Variants in SIGLECL1 observed in about 807,000 individuals in gnomAD.
SIGLECL1 encodes the protein SIGLEC family like 1.
Under a neutral mutation model 19.1 loss-of-function variants are expected in SIGLECL1, and 16 were observed. That is an observed-to-expected ratio of 0.84 (90% CI 0.57 to 1.27). The LOEUF is 1.27. Among genes scored for constraint, SIGLECL1 ranks in the 50% most tolerant of loss-of-function variants. SIGLECL1 has a pLI of 0.00. For missense variants in SIGLECL1, 210 were observed against 239.4 expected, an observed-to-expected ratio of 0.88 and a Z score of 0.81; for synonymous variants, 89 against 90.4, an observed-to-expected ratio of 0.98 and a Z score of 0.09.
chr19:51,266,236 G>A (rs961821473), intron 4 of SIGLECL1, among the ~76,000 whole-genome samples: 2 of 152,062 alleles, frequency 1.3e-5, no homozygotes, highest in Non-Finnish European at 1.5e-5. Context: ...TACAGGTTGA[G>A]TATCTAATCC....
In SIGLECL1 at chr19:51,268,165, C is replaced by T. The variant is rs764453777; in HGVS notation, c.568-406C>T. Among the ~76,000 whole-genome samples, 9 of 152,180 alleles carry T rather than the reference C, an allele frequency of 5.9e-5. No individual in the cohort carries two copies. The East Asian group carries it at 7.7e-4, about 13-fold the overall frequency. On this transcript the variant is annotated intron_variant, in intron 5 of 5. Coordinates refer to ENST00000601727, the MANE Select transcript of SIGLECL1 (RefSeq NM_001385465.1). ...TGCAATATCTCCTAATCTTTGTGCT[C>T]GACAATGCTGGGGTCTCAGAAATGG...
At chr19:51,250,232 GCCTGCCACCACGC>G (rs1350608903), upstream of SIGLECL1, among the ~76,000 whole-genome samples, 1 of 152,090 alleles carries the variant, frequency 6.6e-6, no homozygotes, top group Non-Finnish European at 1.5e-5. Flanking sequence ...GGTTACAGGT[GCCTGCCACCACGC>G]CCAGCTAATT....
chr19:51,265,161 C>T (rs1251189443), intron 2 of SIGLECL1, among the ~76,000 whole-genome samples: 9 of 152,158 alleles, frequency 5.9e-5, no homozygotes, highest in Non-Finnish European at 1.2e-4. Flanking sequence ...ACTTGCCACC[C>T]CTCAAGAAGG....
At chr19:51,262,604 T>C (rs115905948) in intron 1 of SIGLECL1, among the ~76,000 whole-genome samples, 5,976 of 152,298 alleles carry the variant, frequency 0.039, 416 homozygotes, top group African/African-American at 0.14. Context: ...CACAGCACTG[T>C]TCTAGAAAAA....
chr19:51,265,143 G>C (rs1444365846), intron 2 of SIGLECL1, among the ~76,000 whole-genome samples: 1 of 152,162 alleles, frequency 6.6e-6, no homozygotes, highest in Non-Finnish European at 1.5e-5. Flanking sequence ...TAGAGCCTCA[G>C]GAAATTTACT....
upstream of SIGLECL1, among the ~76,000 whole-genome samples, chr19:51,248,523 C>T (rs910406532): frequency 1.3e-5 from 2 of 152,166 alleles, no homozygotes; most frequent in Admixed American, 1.3e-4. Context: ...GCCAGCGGAA[C>T]CCCATGTTTA....
chr19:51,265,301 C>A, intron 2 of SIGLECL1, 67 bp from the exon 3 acceptor site: 1 of 1,506,482 alleles, frequency 6.6e-7, no homozygotes, highest in Non-Finnish European at 9.0e-7. Flanking sequence ...GAGAAGGCTG[C>A]ATGCTGGAGA....
At chr19:51,258,387 T>G (rs1302550526) in intron 1 of SIGLECL1, among the ~76,000 whole-genome samples, 3 of 152,114 alleles carry the variant, frequency 2.0e-5, no homozygotes, top group African/African-American at 7.2e-5. Context: ...TGGGCTGTCC[T>G]GCGGTCACCT....
At chr19:51,266,579 T>C (rs549170448) in intron 4 of SIGLECL1, among the ~76,000 whole-genome samples, 1 of 151,942 alleles carries the variant, frequency 6.6e-6, no homozygotes, top group East Asian at 1.9e-4. Context: ...ATAAGGGATA[T>C]CTAACCTTTG....
chr19:51,258,138 A>C (rs1982942734), intron 1 of SIGLECL1, among the ~76,000 whole-genome samples: 2 of 152,226 alleles, frequency 1.3e-5, no homozygotes, highest in Admixed American at 1.3e-4. Context: ...CTTCTAGTGA[A>C]TTACCAAACC....
rs77170334 is a variant in SIGLECL1, at chr19:51,264,718, G to A, written c.22+624G>A. Among the ~76,000 whole-genome samples the A allele has an allele frequency of 7.1e-3, 1,086 of 152,230 alleles. 11 individuals carry two copies. Among genetic ancestry groups the A allele is most frequent in the African/African-American group, 0.025 (1,037 of 41,530 alleles). On this transcript the variant is annotated intron_variant, in intron 2 of 5. Transcript: ENST00000601727. ...ATGTCCTACCTGTTCTAAATAGAGCGAGGCAATTTCCAGCATTCTTACACA... is the reference window on the plus strand; with the variant it reads ...ATGTCCTACCTGTTCTAAATAGAGCAAGGCAATTTCCAGCATTCTTACACA...
chr19:51,249,133 A>T (rs1982356713), upstream of SIGLECL1, among the ~76,000 whole-genome samples: 5 of 152,166 alleles, frequency 3.3e-5, no homozygotes, highest in Admixed American at 3.3e-4. Context: ...TGGGGACCCA[A>T]GGGCAAGAGC....
rs1329778663 is a variant in SIGLECL1 at position 51,268,615 on chromosome 19, C to T, written c.*18C>T. 2.5e-6 allele frequency: 4 copies of T among 1,612,828 alleles called. No individual in the cohort carries two copies. Among genetic ancestry groups the T allele is most frequent in the Non-Finnish European group, 3.4e-6 (4 of 1,179,592 alleles). ...CCAGCTAAGCCTGTGGAACATGCCT[C>T]ATACCTGGAGTCGCCATTATCCCTG... On this transcript the variant is annotated 3_prime_UTR_variant, in exon 6 of 6. Coordinates refer to ENST00000601727, the MANE Select transcript of SIGLECL1 (RefSeq NM_001385465.1).
At chr19:51,263,132 A>G (rs969518917) in intron 1 of SIGLECL1, among the ~76,000 whole-genome samples, 3 of 152,150 alleles carry the variant, frequency 2.0e-5, no homozygotes, top group Non-Finnish European at 4.4e-5. Context: ...ATGGATTTTT[A>G]AGTCATGATA....
intron 1 of SIGLECL1, among the ~76,000 whole-genome samples, chr19:51,261,351 T>C (rs531044156): frequency 6.7e-4 from 102 of 152,248 alleles, no homozygotes; most frequent in South Asian, 1.9e-3. Context: ...TGCAGTGGCA[T>C]GATCTCGGCT....
At chr19:51,249,273 A>G (rs909802386), upstream of SIGLECL1, among the ~76,000 whole-genome samples, 2 of 152,144 alleles carry the variant, frequency 1.3e-5, no homozygotes, top group African/African-American at 4.8e-5. Context: ...GATAATATCA[A>G]TTACAAAGCA....
chr19:51,246,936 T>C (rs372682496), upstream of SIGLECL1, among the ~76,000 whole-genome samples: 5 of 152,172 alleles, frequency 3.3e-5, no homozygotes, highest in African/African-American at 4.8e-5. Context: ...TAGTTACAGA[T>C]TGGAAGAAGT....
chr19:51,259,717 C>A (rs889266195), intron 1 of SIGLECL1, among the ~76,000 whole-genome samples: 1 of 152,120 alleles, frequency 6.6e-6, no homozygotes, highest in Non-Finnish European at 1.5e-5. Context: ...GAAGGCCATG[C>A]CCAAAAGAGT....
Position 51,267,498 on chromosome 19 carries a change from T to A in SIGLECL1, c.536T>A (p.Val179Glu). The A allele has an allele frequency of 6.2e-7, 1 of 1,614,218 alleles. No individual in the cohort carries two copies. Among genetic ancestry groups the A allele is most frequent in the Non-Finnish European group, 8.5e-7 (1 of 1,180,030 alleles). The change falls in exon 5 of 6, where the codon GTA (valine) becomes GAA (glutamate). Residue 179 changes from valine (V) to glutamate (E), a missense_variant. By Grantham distance (121) the Val-to-Glu change is moderately radical. Coordinates refer to ENST00000601727, the MANE Select transcript of SIGLECL1 (RefSeq NM_001385465.1). ...AAGCCTGAGGAACCAGGAAAACCCG[T>A]AGTCGCCACATTTTCTGAGAGCCGG... The part of the protein sequence containing the change: ...SLKPEEPGKP[V>E]VATFSESRIL...
Sources: gnomAD v4.1 joint callset for allele counts (sites outside exome capture counted in the v4.1 genomes callset) on GRCh38, gnomAD v4.1.1 for gene constraint, MANE v1.5 for transcripts, NCBI Gene and HGNC (gene_info 2026-07-23, HGNC 2026-07-21) for gene names.